The following GRIP1 variants were observed in gnomAD, a reference collection of about 807,000 sequenced individuals.
GRIP1 encodes the protein glutamate receptor interacting protein 1, also known as glutamate receptor-interacting protein 1.
Under a neutral mutation model 129.9 loss-of-function variants are expected in GRIP1, and 45 were observed. That is an observed-to-expected ratio of 0.35 (90% CI 0.27 to 0.44). GRIP1 has a LOEUF of 0.44. GRIP1 is among the 20% of genes least tolerant of loss of function. GRIP1 has a pLI of 1.00. For synonymous variants in GRIP1, 530 were observed against 520.8 expected (o/e 1.02, Z -0.24); for missense variants, 1,196 against 1,396.8 (o/e 0.86, Z 2.29).
intron 1 of GRIP1, among the ~76,000 whole-genome samples, chr12:66,714,518 A>G (rs904446499): frequency 1.3e-5 from 2 of 152,016 alleles, no homozygotes; most frequent in Non-Finnish European, 2.9e-5. Context: ...CATAATCTCA[A>G]TTTGTTTGTA....
chr12:66,430,667 T>C (rs1207978725), intron 14 of GRIP1, among the ~76,000 whole-genome samples: 1 of 152,220 alleles, frequency 6.6e-6, no homozygotes, highest in African/African-American at 2.4e-5. Context: ...AGGGTATTTT[T>C]AGATGGATAC....
rs377630345 is a variant in GRIP1 at position 66,785,343 on chromosome 12, C to CATACATACATATATATATATATATAT, written c.-420+18709_-420+18710insATATATATATATATATATGTATGTAT. On this transcript the variant is annotated intron_variant, in intron 1 of 4. Coordinates refer to the GRIP1 transcript ENST00000538373. ...ACATACATACATACATACATACATA[C>CATACATACATATATATATATATATAT]ATATATATATATATATATATTAGTT... Among the ~76,000 whole-genome samples, 55 of 72,770 alleles carry CATACATACATATATATATATATATAT rather than the reference C, an allele frequency of 7.6e-4. 1 individual carries two copies. Among genetic ancestry groups the CATACATACATATATATATATATATAT allele is most frequent in the South Asian group, 4.2e-3 (7 of 1,684 alleles). 47.7% of individuals were successfully genotyped at this position (72,770 alleles called of 152,430 possible).
chr12:67,031,071 T>C (rs942446226), intron 1 of GRIP1, among the ~76,000 whole-genome samples: 3 of 152,150 alleles, frequency 2.0e-5, no homozygotes, highest in Non-Finnish European at 2.9e-5. Context: ...GAATGAATGA[T>C]TCAAGAGAAA....
At chr12:66,664,757 A>G (rs2033701460) in intron 1 of GRIP1, among the ~76,000 whole-genome samples, 2 of 152,324 alleles carry the variant, frequency 1.3e-5, no homozygotes, top group South Asian at 2.1e-4. Context: ...CAGTATCTCA[A>G]TTATGATAAG....
At chr12:66,817,261 A>T (rs917312398) in intron 1 of GRIP1, among the ~76,000 whole-genome samples, 15 of 150,662 alleles carry the variant, frequency 1.0e-4, no homozygotes, top group African/African-American at 3.7e-4. Context: ...TTTCCCACGG[A>T]CTATTTCATT....
At chr12:66,786,602 G>A (rs1476505595) in intron 1 of GRIP1, among the ~76,000 whole-genome samples, 1 of 152,182 alleles carries the variant, frequency 6.6e-6, no homozygotes, top group Non-Finnish European at 1.5e-5. Context: ...CTACTGGTGA[G>A]CACTCAAGGG....
intron 1 of GRIP1, among the ~76,000 whole-genome samples, chr12:66,765,900 G>A (rs747340185): frequency 5.0e-4 from 76 of 152,278 alleles, no homozygotes; most frequent in Middle Eastern, 3.4e-3. Context: ...TGAACCAGGA[G>A]GAAATGACTG....
At chr12:66,986,687 G>A (rs1181587004) in intron 1 of GRIP1, among the ~76,000 whole-genome samples, 1 of 108,752 alleles carries the variant, frequency 9.2e-6, no homozygotes, top group African/African-American at 3.5e-5. Context: ...GTGGGGTGGG[G>A]GGAGGGGGGA....
intron 1 of GRIP1, among the ~76,000 whole-genome samples, chr12:66,953,775 A>G (rs2041796392): frequency 6.6e-6 from 1 of 152,218 alleles, no homozygotes; most frequent in African/African-American, 2.4e-5. Context: ...GACAAAACTG[A>G]ATAACACTGA....
chr12:67,016,583 T>C (rs1467524183), intron 1 of GRIP1, among the ~76,000 whole-genome samples: 1 of 152,156 alleles, frequency 6.6e-6, no homozygotes, highest in Non-Finnish European at 1.5e-5. Flanking sequence ...TAGTTACTTC[T>C]GACCTGCTGT....
chr12:66,479,214 C>T (rs1025855508), intron 7 of GRIP1, among the ~76,000 whole-genome samples: 3 of 151,662 alleles, frequency 2.0e-5, no homozygotes, highest in African/African-American at 7.3e-5. Context: ...CAAATAGACA[C>T]AATAAAAAAT....
chr12:66,604,171 C>T (rs759400151), intron 1 of GRIP1, among the ~76,000 whole-genome samples: 15 of 152,274 alleles, frequency 9.9e-5, no homozygotes, highest in African/African-American at 1.9e-4. Flanking sequence ...AACAGAACTG[C>T]GATGGCCCCG....
chr12:66,815,825 T>TTTCTTTCTTTCTTTCTTTTTCTTTCC (rs2039200211), intron 1 of GRIP1, among the ~76,000 whole-genome samples: 1 of 86,320 alleles, frequency 1.2e-5, no homozygotes, highest in Admixed American at 1.4e-4. Context: ...GAAAGATTTC[T>TTTCTTTCTTTCTTTCTTTTTCTTTCC]TTCTTTCTTT....
intron 2 of GRIP1, among the ~76,000 whole-genome samples, chr12:66,569,430 T>C (rs1244446888): frequency 1.3e-5 from 2 of 152,204 alleles, no homozygotes; most frequent in South Asian, 2.1e-4. Context: ...TGAGCCAAGA[T>C]TGCCCCACTA....
At chr12:66,907,432 G>A (rs1463228010) in intron 1 of GRIP1, among the ~76,000 whole-genome samples, 1 of 152,110 alleles carries the variant, frequency 6.6e-6, no homozygotes, top group Non-Finnish European at 1.5e-5. Context: ...GCCACAACAG[G>A]TACATTAAGC....
At chr12:66,704,698 C>T (rs569280610) in intron 1 of GRIP1, among the ~76,000 whole-genome samples, 7 of 152,186 alleles carry the variant, frequency 4.6e-5, no homozygotes, top group East Asian at 3.9e-4. Flanking sequence ...AAAAATGTTT[C>T]TTTTCTCTCA....
At chr12:66,477,069 G>T (rs1278452656) in intron 7 of GRIP1, among the ~76,000 whole-genome samples, 3 of 152,118 alleles carry the variant, frequency 2.0e-5, no homozygotes, top group Non-Finnish European at 4.4e-5. Flanking sequence ...ATTCAATTAG[G>T]AAAAGAGGAA....
intron 1 of GRIP1, among the ~76,000 whole-genome samples, chr12:66,809,724 A>G (rs998016621): frequency 1.3e-5 from 2 of 151,626 alleles, no homozygotes; most frequent in African/African-American, 4.9e-5. Flanking sequence ...CAGTGGTGCA[A>G]TCACAGCTCA....
At chr12:66,983,908 G>A (rs549589570) in intron 1 of GRIP1, among the ~76,000 whole-genome samples, 1 of 152,192 alleles carries the variant, frequency 6.6e-6, no homozygotes, top group South Asian at 2.1e-4. Flanking sequence ...CTGACTCCAG[G>A]CAGGAAGCAC....
Sources: gnomAD v4.1 joint callset for allele counts (sites outside exome capture counted in the v4.1 genomes callset) on GRCh38, gnomAD v4.1.1 for gene constraint, MANE v1.5 for transcripts, NCBI Gene and HGNC (gene_info 2026-07-23, HGNC 2026-07-21) for gene names.